Variants in SMR3B observed in about 807,000 individuals in gnomAD.
SMR3B encodes submaxillary gland androgen regulated protein 3B, also known as submaxillary gland androgen-regulated protein 3B.
For synonymous variants in SMR3B, 42 were observed against 36.1 expected (o/e 1.16, Z -0.59); for missense variants, 114 against 99.9 (o/e 1.14, Z -0.60).
At chr4:70,383,495 TG>T (rs1296913348) in intron 1 of SMR3B, among the ~76,000 whole-genome samples, 44 of 152,122 alleles carry the variant, frequency 2.9e-4, no homozygotes, top group Non-Finnish European at 5.7e-4. Flanking sequence ...TTAAAGTTCT[TG>T]AAACTTCATA....
At position 70,389,831 on chromosome 4, in the gene SMR3B, C is replaced by T. The variant is rs1309344812; in HGVS notation, c.223C>T (p.Pro75Ser). 4.3e-6 allele frequency: 7 copies of T among 1,613,698 alleles called. No individual in the cohort carries two copies. Among genetic ancestry groups the T allele is most frequent in the Non-Finnish European group, 5.9e-6 (7 of 1,179,874 alleles). ...CTATGGTCCAGGGATATTTCCACCA[C>T]CCCCTCCTCAACCCTAAGGTCCACC... Reference protein sequence around the residue: ...APYGPGIFPPPPPQP With the variant: ...APYGPGIFPPSPPQP Residue 75 changes from proline to serine, a missense_variant, in exon 3 of 3, where the codon CCC becomes TCC. Coordinates refer to ENST00000304915, the MANE Select transcript of SMR3B (RefSeq NM_006685.4).
intron 2 of SMR3B, among the ~76,000 whole-genome samples, chr4:70,385,550 C>T (rs1732647620): frequency 6.6e-6 from 1 of 151,982 alleles, no homozygotes; most frequent in Admixed American, 6.6e-5. Flanking sequence ...ACTACAGGCG[C>T]CCGCCACCAC....
Position 70,389,843 on chromosome 4 carries a change from C to G in SMR3B, c.235C>G (p.Pro79Ala). The G allele has an allele frequency of 6.2e-7, 1 of 1,613,622 alleles. No homozygotes were observed. The highest frequency in any genetic ancestry group is 2.2e-5 in the East Asian group (1 of 44,872). Residue 79 changes from proline to alanine, a missense_variant, in exon 3 of 3, where the codon CCC becomes GCC. Pro to Ala is a conservative substitution (Grantham distance 27). Coordinates refer to ENST00000304915, the MANE Select transcript of SMR3B (RefSeq NM_006685.4). The stretch of plus-strand genomic sequence containing the variant: ...GATATTTCCACCACCCCCTCCTCAA[C>G]CCTAAGGTCCACCACTCCATCCTGA... ...PGIFPPPPPQP is the reference protein window; with the variant it reads ...PGIFPPPPPQA
chr4:70,390,134 C>G lies in SMR3B; in HGVS notation c.*286C>G, dbSNP rs1358775826. On this transcript the variant is annotated 3_prime_UTR_variant, in exon 3 of 3. Coordinates refer to ENST00000304915, the MANE Select transcript of SMR3B (RefSeq NM_006685.4). The stretch of plus-strand genomic sequence containing the variant: ...CATTTTTGGATGAGAATGAAAAATT[C>G]CAAAAGTGCTGAGCTTTGGGGAGAA... The G allele has an allele frequency of 1.4e-6, 1 of 705,304 alleles. No individual in the cohort carries two copies. The highest frequency in any genetic ancestry group is 2.5e-6 in the Non-Finnish European group (1 of 393,580). The allele number at this position is 705,304 out of a possible 1,614,324, so 43.7% of individuals were successfully genotyped here.
At chr4:70,384,120 T>C (rs1490087156) in intron 1 of SMR3B, among the ~76,000 whole-genome samples, 1 of 152,078 alleles carries the variant, frequency 6.6e-6, no homozygotes, top group Non-Finnish European at 1.5e-5. Context: ...ATCTATAATG[T>C]ATCTACTATT....
chr4:70,385,405 T>C (rs967072000), intron 2 of SMR3B, among the ~76,000 whole-genome samples: 1 of 134,452 alleles, frequency 7.4e-6, no homozygotes, highest in East Asian at 2.1e-4. Flanking sequence ...TTTGTTTTTT[T>C]TTTTTTTTTT....
At position 70,389,774 on chromosome 4, in the gene SMR3B, C is replaced by T; in HGVS notation, c.166C>T (p.Pro56Ser). 6.2e-7 allele frequency: 1 copy of T among 1,613,984 alleles called. No homozygotes were observed. The highest frequency in any genetic ancestry group is 8.5e-7 in the Non-Finnish European group (1 of 1,179,950). Residue 56 changes from proline to serine, a missense_variant, in exon 3 of 3, where the codon CCA becomes TCA. Physicochemically the swap from Pro to Ser is moderately conservative, Grantham distance 74 (BLOSUM62 -1). Transcript: ENST00000304915. ...ACCACCTCCTCCTCCACCCTATGGT[C>T]CAGGGAGAATCCCACCTCCTCCTCC... ...VPPPPPPPYG[P>S]GRIPPPPPAP...
chr4:70,387,407 AAT>A (rs1425387120), intron 2 of SMR3B, among the ~76,000 whole-genome samples: 1 of 152,162 alleles, frequency 6.6e-6, no homozygotes, highest in Admixed American at 6.5e-5. Flanking sequence ...ATGCAAAGCC[AAT>A]AGGATTGTGG....
At chr4:70,387,177 A>G (rs2109761486) in intron 2 of SMR3B, among the ~76,000 whole-genome samples, 1 of 152,314 alleles carries the variant, frequency 6.6e-6, no homozygotes. Context: ...GGTGGTTGAA[A>G]CTGAACCTTT....
At chr4:70,383,435 G>A (rs1180198804) in intron 1 of SMR3B, among the ~76,000 whole-genome samples, 1 of 151,886 alleles carries the variant, frequency 6.6e-6, no homozygotes, top group Non-Finnish European at 1.5e-5. Context: ...TGGGCATTTG[G>A]GCCAATCGGT....
rs767598402 is a variant in SMR3B at position 70,384,480 on chromosome 4, A to G, written c.-14-17A>G. The G allele has an allele frequency of 1.3e-5, 20 of 1,594,964 alleles. No homozygotes were observed. Among genetic ancestry groups the G allele is most frequent in the South Asian group, 4.6e-5 (4 of 87,140 alleles). On this transcript the variant is annotated splice_polypyrimidine_tract_variant and intron_variant, in intron 1 of 2. Transcript: ENST00000304915. Reference sequence around the variant, plus strand: ...TAAAAAACAATCATACTGATCACCTATTGTGCTTACTTTCAGAGGCAACTG... The same window carrying G: ...TAAAAAACAATCATACTGATCACCTGTTGTGCTTACTTTCAGAGGCAACTG...
intron 2 of SMR3B, among the ~76,000 whole-genome samples, chr4:70,385,443 G>T (rs1383034771): frequency 3.4e-5 from 4 of 118,666 alleles, no homozygotes; most frequent in African/African-American, 1.0e-4. Flanking sequence ...TCGCTCTGTC[G>T]CCCAGGCTGG....
In SMR3B at chr4:70,384,015, C is replaced by CTTT. The variant is rs142616803; in HGVS notation, c.-14-474_-14-472dup. ...TAGACTATATCCAACAGGGTGATTC[C>CTTT]TTTTTTTTTTCCTTATTTTTAAGCT... On this transcript the variant is annotated intron_variant, in intron 1 of 2. Transcript: ENST00000304915. Among the ~76,000 whole-genome samples the CTTT allele has an allele frequency of 8.6e-3, 1,280 of 149,284 alleles. 15 individuals carry two copies. Among genetic ancestry groups the CTTT allele is most frequent in the African/African-American group, 0.028 (1,154 of 40,844 alleles).
chr4:70,385,074 A>G (rs1242965697), intron 2 of SMR3B: 1 of 152,612 alleles, frequency 6.6e-6, no homozygotes, highest in Non-Finnish European at 1.5e-5. Flanking sequence ...GCATTTATAT[A>G]TAAACAGCTA....
chr4:70,389,653 A>T lies in SMR3B; in HGVS notation c.55-10A>T, dbSNP rs7674958. On this transcript the variant is annotated splice_polypyrimidine_tract_variant and intron_variant, in intron 2 of 2. Coordinates refer to ENST00000304915, the MANE Select transcript of SMR3B (RefSeq NM_006685.4). ...TCTGATTTGAAATTATTTACTTCTT[A>T]TTTCCACAGCCTGGTGAGAGTCAAA... The T allele has an allele frequency of 0.67, 1,073,232 of 1,609,706 alleles. 359,406 individuals are homozygous for T. The highest frequency in any genetic ancestry group is 0.77 in the African/African-American group (57,406 of 74,710).
Position 70,384,554 on chromosome 4 carries a change from C to A in SMR3B, c.44C>A (p.Ala15Glu). ...TWILGLWALA[A>E]CFTPGESQRG... ...ATCTTGGGCCTTTGGGCTCTTGCAG[C>A]GTGTTTCACAGTAAGTATCATTAAT... Residue 15 changes from alanine (A) to glutamate (E), a missense_variant, in exon 2 of 3, where the codon GCG becomes GAG. Coordinates refer to ENST00000304915, the MANE Select transcript of SMR3B (RefSeq NM_006685.4). 3 of 1,608,862 alleles carry A rather than the reference C, an allele frequency of 1.9e-6. No individual in the cohort carries two copies. The highest frequency in any genetic ancestry group is 2.5e-6 in the Non-Finnish European group (3 of 1,177,158).
chr4:70,390,241 C>A lies in SMR3B; in HGVS notation c.*393C>A, dbSNP rs1732739251. 2.1e-6 allele frequency: 1 copy of A among 469,452 alleles called. No individual in the cohort carries two copies. The highest frequency in any genetic ancestry group is 2.0e-5 in the African/African-American group (1 of 50,640). The allele number at this position is 469,452 out of a possible 1,614,324, so 29.1% of individuals were successfully genotyped here. On this transcript the variant is annotated 3_prime_UTR_variant, in exon 3 of 3. Coordinates refer to ENST00000304915, the MANE Select transcript of SMR3B (RefSeq NM_006685.4). ...TGAGGCAAAAATAAAGAATTGAGCA[C>A]CAATATGAAGTCTCCACTGTTGTCA...
intron 2 of SMR3B, 151 bp downstream of exon 2, chr4:70,384,715 T>G (rs920734354): frequency 9.9e-6 from 14 of 1,412,254 alleles, no homozygotes; most frequent in African/African-American, 2.9e-5. Context: ...AATTTAAATT[T>G]AAAATCTAAT....
chr4:70,384,907 G>T, intron 2 of SMR3B: 1 of 192,220 alleles, frequency 5.2e-6, no homozygotes, highest in Non-Finnish European at 1.1e-5. Flanking sequence ...GTAGTTTATG[G>T]ATCATTTACA....
Sources: allele counts gnomAD v4.1 joint callset (sites outside exome capture counted in the v4.1 genomes callset), GRCh38; gene constraint gnomAD v4.1.1; transcripts MANE v1.5; gene names NCBI Gene and HGNC (gene_info 2026-07-23, HGNC 2026-07-21).